KLHL22: variants seen among roughly 807,000 people sequenced by gnomAD.
KLHL22 encodes kelch like family member 22.
Under a neutral mutation model 60.7 loss-of-function variants are expected in KLHL22, and 18 were observed. The ratio of observed to expected loss-of-function variants is 0.30; its 90% CI spans 0.20 to 0.44. The LOEUF (loss-of-function observed/expected upper bound fraction) is 0.44, where lower values mean the gene tolerates loss of function less well. KLHL22 is among the 20% of genes least tolerant of loss of function. The probability of loss-of-function intolerance (pLI) is 1.00; values close to 1 mark genes in which losing one functional copy is unlikely to be tolerated. For synonymous variants in KLHL22, 355 were observed against 354.5 expected (o/e 1.00, Z -0.01); for missense variants, 596 against 852.3 (o/e 0.70, Z 3.74).
chr22:20,449,926 A>G (rs1411624430), intron 5 of KLHL22, among the ~76,000 whole-genome samples: 1 of 152,136 alleles, frequency 6.6e-6, no homozygotes, highest in Non-Finnish European at 1.5e-5. Context: ...GGCCGCAGGG[A>G]GCAGACCCGG....
chr22:20,476,200 G>T lies in KLHL22; in HGVS notation c.228-4685C>A, dbSNP rs547431119. 3.9e-5 allele frequency among the ~76,000 whole-genome samples: 6 copies of T among 152,240 alleles called. No homozygotes were observed. The East Asian group carries it at 9.7e-4, about 25-fold the overall frequency. On this transcript the variant is annotated intron_variant, in intron 2 of 6. Transcript: ENST00000328879. Reference sequence around the variant, plus strand: ...TTTATTCCCAGACATTTCACTCCATGCATGGCCAAGCCCTCGGGGCACTTT... The same window carrying T: ...TTTATTCCCAGACATTTCACTCCATTCATGGCCAAGCCCTCGGGGCACTTT...
At position 20,446,416 on chromosome 22, in the gene KLHL22, G is replaced by A. The variant is rs1010703463; in HGVS notation, c.1539+27C>T. The A allele has an allele frequency of 7.1e-6, 9 of 1,263,504 alleles. No individual in the cohort carries two copies. The East Asian group carries it at 9.4e-5, about 13-fold the overall frequency. 78.3% of individuals were successfully genotyped at this position (1,263,504 alleles called of 1,614,324 possible). A position where few individuals can be genotyped will look rare whatever the true frequency, so the allele number is the denominator to read the frequency against. ...CTGAGAGGCTTGGGAATGATGACGGGTGTGGACTGCCCCGGGCCCCACTCA... is the reference window on the plus strand; with the variant it reads ...CTGAGAGGCTTGGGAATGATGACGGATGTGGACTGCCCCGGGCCCCACTCA... On this transcript the variant is annotated intron_variant, in intron 6 of 6. Coordinates refer to ENST00000328879, the MANE Select transcript of KLHL22 (RefSeq NM_032775.4).
At position 20,442,189 on chromosome 22, in the gene KLHL22, G is replaced by A; in HGVS notation, c.1789C>T (p.Leu597=). 1.9e-6 allele frequency: 3 copies of A among 1,578,876 alleles called. No individual in the cohort carries two copies. The highest frequency in any genetic ancestry group is 2.6e-6 in the Non-Finnish European group (3 of 1,160,360). Residue 597 remains leucine, a synonymous_variant, in exon 7 of 7, where the codon CTG becomes TTG. Coordinates refer to ENST00000328879, the MANE Select transcript of KLHL22 (RefSeq NM_032775.4). The part of the protein sequence containing the change: ...AACVLTLPRS[L]LLEPPRGTPD... ...GTCCCGCGGGGCGGCTCAAGGAGCA[G>A]GGAGCGGGGCAGGGTGAGCACACAG...
At chr22:20,446,750 A>G (rs2052870541) in intron 5 of KLHL22, 74 bp from the exon 6 acceptor site, 10 of 1,123,726 alleles carry the variant, frequency 8.9e-6, no homozygotes, top group Admixed American at 6.8e-5. Flanking sequence ...GTCAAGGCCA[A>G]TCACCACCCC....
chr22:20,473,044 AG>A (rs2053353520), intron 2 of KLHL22, among the ~76,000 whole-genome samples: 2 of 152,200 alleles, frequency 1.3e-5, no homozygotes, highest in Non-Finnish European at 2.9e-5. Context: ...CCTCTAGGGT[AG>A]GTACAGTCCA....
In KLHL22 at chr22:20,477,679, T is replaced by C. The variant is rs186273400; in HGVS notation, c.228-6164A>G. ...GGAGGAGAAAGAAGATATGAGACAT[T>C]GTGGGTGCAATTAGGAAAATCTGAA... On this transcript the variant is annotated intron_variant, in intron 2 of 6. Coordinates refer to ENST00000328879, the MANE Select transcript of KLHL22 (RefSeq NM_032775.4). Among the ~76,000 whole-genome samples the C allele has an allele frequency of 3.9e-5, 6 of 152,232 alleles. No individual in the cohort carries two copies. In the East Asian group the frequency reaches 7.7e-4, roughly 20 times the overall value.
At chr22:20,450,638 T>A (rs2052962054) in intron 5 of KLHL22, 2 of 1,585,094 alleles carry the variant, frequency 1.3e-6, no homozygotes, top group Non-Finnish European at 1.7e-6. Context: ...TTCATTCTTC[T>A]GAGGCAAGGA....
intron 2 of KLHL22, among the ~76,000 whole-genome samples, chr22:20,475,637 C>T (rs2053399904): frequency 1.3e-5 from 2 of 151,966 alleles, no homozygotes; most frequent in African/African-American, 4.8e-5. Context: ...TCTCGGCTCA[C>T]CACAACCTCC....
At chr22:20,483,666 G>T in intron 2 of KLHL22, 1 of 729,544 alleles carries the variant, frequency 1.4e-6, no homozygotes, top group Non-Finnish European at 2.5e-6. Context: ...AGATACGGGC[G>T]TTGTCCACAG....
At chr22:20,445,822 G>A (rs530761447) in intron 6 of KLHL22, among the ~76,000 whole-genome samples, 1 of 152,118 alleles carries the variant, frequency 6.6e-6, no homozygotes, top group Admixed American at 6.5e-5. Context: ...GGAGTGCAGT[G>A]GCGTGATCTC....
At chr22:20,456,845 G>A (rs1251992069) in intron 5 of KLHL22, among the ~76,000 whole-genome samples, 1 of 152,228 alleles carries the variant, frequency 6.6e-6, no homozygotes, top group Non-Finnish European at 1.5e-5. Flanking sequence ...TGGGGGTCAT[G>A]AGAGATACTG....
chr22:20,479,105 G>T (rs558013199), intron 2 of KLHL22, among the ~76,000 whole-genome samples: 198 of 151,522 alleles, frequency 1.3e-3, no homozygotes, highest in Non-Finnish European at 2.2e-3. Context: ...CTCCAGCCTG[G>T]GCGACAGAGT....
chr22:20,482,593 G>A (rs2053520929), intron 2 of KLHL22, among the ~76,000 whole-genome samples: 1 of 151,266 alleles, frequency 6.6e-6, no homozygotes, highest in African/African-American at 2.4e-5. Context: ...TTTTTTTTGA[G>A]ACGGAGTCTC....
At position 20,483,042 on chromosome 22, in the gene KLHL22, C is replaced by G. The variant is rs1324996054; in HGVS notation, c.227+5943G>C. ...TCCTACTCCTAGGCCTGGCACTGTC[C>G]CTCTGCCCGGATTTGTGCCACCTCT... On this transcript the variant is annotated intron_variant, in intron 2 of 6. Transcript: ENST00000328879. 4.5e-6 allele frequency: 3 copies of G among 668,022 alleles called. No individual in the cohort carries two copies. In the Admixed American group the frequency reaches 6.3e-5, roughly 14 times the overall value. 41.4% of individuals were successfully genotyped at this position (668,022 alleles called of 1,614,324 possible). A position where few individuals can be genotyped will look rare whatever the true frequency, so the allele number is the denominator to read the frequency against.
intron 2 of KLHL22, among the ~76,000 whole-genome samples, chr22:20,480,547 A>G (rs535975009): frequency 3.3e-5 from 5 of 152,196 alleles, no homozygotes; most frequent in South Asian, 4.1e-4. Context: ...GGGGAGAAAA[A>G]TATTTCTTGG....
chr22:20,488,701 G>A (rs1419424533), intron 2 of KLHL22: 1 of 502,238 alleles, frequency 2.0e-6, no homozygotes, highest in Non-Finnish European at 3.6e-6. Flanking sequence ...GGAGAGAAAG[G>A]AGGAAAGAAA....
chr22:20,464,868 G>T lies in KLHL22; in HGVS notation c.1102C>A (p.Arg368=). The T allele has an allele frequency of 6.5e-7, 1 of 1,532,740 alleles. No individual in the cohort carries two copies. The highest frequency in any genetic ancestry group is 8.8e-7 in the Non-Finnish European group (1 of 1,137,920). The allele number at this position is 1,532,740 out of a possible 1,614,324, so 94.9% of individuals were successfully genotyped here. A position where few individuals can be genotyped will look rare whatever the true frequency, so the allele number is the denominator to read the frequency against. ...NNVQGFRAES[R]CWRYDPRHNR... is the part of the protein sequence containing the mutation. The stretch of plus-strand genomic sequence containing the variant: ...AGCACCCTGTCCTACCTCCAGCATC[G>T]GGACTCTGCTCGAAATCCTTGGACA... Residue 368 remains arginine (R), a synonymous_variant, in exon 4 of 7, where the codon CGA becomes AGA. Transcript: ENST00000328879.
chr22:20,444,145 C>T (rs989844323), intron 6 of KLHL22, among the ~76,000 whole-genome samples: 22 of 151,252 alleles, frequency 1.5e-4, no homozygotes, highest in South Asian at 6.3e-4. Flanking sequence ...GCTTTGAAGA[C>T]GAAGTGTCCC....
chr22:20,479,277 A>G (rs573511453), intron 2 of KLHL22, among the ~76,000 whole-genome samples: 1 of 152,236 alleles, frequency 6.6e-6, no homozygotes, highest in African/African-American at 2.4e-5. Flanking sequence ...AAAAAAAATT[A>G]TTACTACTTT....
Sources: gnomAD v4.1 joint callset for allele counts (sites outside exome capture counted in the v4.1 genomes callset) on GRCh38, gnomAD v4.1.1 for gene constraint, MANE v1.5 for transcripts, NCBI Gene and HGNC (gene_info 2026-07-23, HGNC 2026-07-21) for gene names.